RALYL: variants seen among roughly 807,000 people sequenced by gnomAD.
RALYL encodes RNA-binding Raly-like protein.
A neutral mutation model predicts 35.1 loss-of-function variants in RALYL; 29 were observed. That is an observed-to-expected ratio of 0.83 (90% confidence interval 0.61 to 1.13). The LOEUF (loss-of-function observed/expected upper bound fraction) is 1.13, where lower values mean the gene tolerates loss of function less well. RALYL is among the 50% of genes most tolerant of loss of function. The probability of loss-of-function intolerance (pLI) is 0.00; values close to 1 mark genes in which losing one functional copy is unlikely to be tolerated. For synonymous variants in RALYL, 120 were observed against 127.6 expected, an observed-to-expected ratio of 0.94 and a Z score of 0.40; for missense variants, 359 against 360.4, an observed-to-expected ratio of 1.00 and a Z score of 0.03.
chr8:84,743,061 A>G (rs1467724333), intron 2 of RALYL, among the ~76,000 whole-genome samples: 1 of 151,934 alleles, frequency 6.6e-6, no homozygotes, highest in Non-Finnish European at 1.5e-5. Context: ...AAAATATATT[A>G]TGGTCACAAT....
At chr8:84,188,399 T>C (rs1259637535) in intron 1 of RALYL, among the ~76,000 whole-genome samples, 1 of 152,104 alleles carries the variant, frequency 6.6e-6, no homozygotes, top group African/African-American at 2.4e-5. Context: ...AAGGTCCTTA[T>C]TGATCTGCAG....
chr8:84,463,249 T>C (rs1427579137), intron 1 of RALYL, among the ~76,000 whole-genome samples: 1 of 152,020 alleles, frequency 6.6e-6, no homozygotes, highest in Non-Finnish European at 1.5e-5. Context: ...GCTCTAGAGG[T>C]CTTCCATTAA....
chr8:84,244,264 C>G (rs1477894431), intron 1 of RALYL, among the ~76,000 whole-genome samples: 6 of 152,038 alleles, frequency 3.9e-5, no homozygotes, highest in Non-Finnish European at 7.4e-5. Context: ...CTCAAAGATA[C>G]AGAAACATAA....
At chr8:84,682,737 CTTT>C (rs1835843685) in intron 2 of RALYL, among the ~76,000 whole-genome samples, 1 of 151,952 alleles carries the variant, frequency 6.6e-6, no homozygotes, top group Non-Finnish European at 1.5e-5. Context: ...CTCTTTTCTT[CTTT>C]ATTAGTCTTG....
chr8:84,854,166 TA>T (rs1836471971), intron 5 of RALYL, among the ~76,000 whole-genome samples: 1 of 151,842 alleles, frequency 6.6e-6, no homozygotes, highest in Non-Finnish European at 1.5e-5. Flanking sequence ...GCCAACATGG[TA>T]AAACCCCATC....
At chr8:84,633,236 T>C (rs1036968468) in intron 2 of RALYL, among the ~76,000 whole-genome samples, 2 of 151,872 alleles carry the variant, frequency 1.3e-5, no homozygotes, top group African/African-American at 4.8e-5. Context: ...CAGAATGTCC[T>C]GGTTCAGCAA....
chr8:84,229,525 G>A (rs181911160), intron 1 of RALYL, among the ~76,000 whole-genome samples: 64 of 152,244 alleles, frequency 4.2e-4, no homozygotes, highest in Non-Finnish European at 7.6e-4. Context: ...CCAGTTTGGG[G>A]TCCTGAGACA....
At chr8:84,540,130 G>C (rs1280911183) in intron 2 of RALYL, among the ~76,000 whole-genome samples, 4 of 151,512 alleles carry the variant, frequency 2.6e-5, no homozygotes, top group Non-Finnish European at 5.9e-5. Context: ...TTTTAAACCA[G>C]TGTATGTGTA....
At chr8:84,258,617 T>A (rs1014855772) in intron 1 of RALYL, among the ~76,000 whole-genome samples, 1 of 146,490 alleles carries the variant, frequency 6.8e-6, no homozygotes, top group Non-Finnish European at 1.6e-5. Context: ...TAATTCTCAT[T>A]CTTAAGATTG....
intron 1 of RALYL, among the ~76,000 whole-genome samples, chr8:84,526,053 G>A (rs931544653): frequency 2.1e-5 from 3 of 143,638 alleles, no homozygotes; most frequent in African/African-American, 7.8e-5. Context: ...CCAACTTCAA[G>A]CAATTCTTCT....
chr8:84,228,351 T>C (rs1448640855), intron 1 of RALYL, among the ~76,000 whole-genome samples: 5 of 152,222 alleles, frequency 3.3e-5, no homozygotes, highest in Non-Finnish European at 4.4e-5. Flanking sequence ...ATTACTACCA[T>C]AGAAGAATTT....
intron 1 of RALYL, among the ~76,000 whole-genome samples, chr8:84,213,123 G>A (rs934595487): frequency 6.6e-6 from 1 of 152,124 alleles, no homozygotes; most frequent in Non-Finnish European, 1.5e-5. Flanking sequence ...GGGCATGGTG[G>A]CTCATGCCTG....
In RALYL at chr8:84,662,534, T is replaced by C. The variant is rs543404136; in HGVS notation, c.257-112045T>C. 2.6e-5 allele frequency among the ~76,000 whole-genome samples: 4 copies of C among 152,298 alleles called. No homozygotes were observed. The South Asian group carries it at 6.2e-4, about 24-fold the overall frequency. ...ACACATGATGAGAGGCTTATGATAA[T>C]GTCTGAGATTTGGTTCAAAATAATC... is the stretch of plus-strand genomic sequence containing the variant. On this transcript the variant is annotated intron_variant, in intron 2 of 8. Coordinates refer to ENST00000521268, the MANE Select transcript of RALYL (RefSeq NM_173848.7).
intron 2 of RALYL, among the ~76,000 whole-genome samples, chr8:84,750,432 TG>T (rs1321573537): frequency 2.0e-5 from 3 of 152,156 alleles, no homozygotes; most frequent in Non-Finnish European, 2.9e-5. Context: ...CCTTGTGTGA[TG>T]GCCTCTGGCT....
chr8:84,273,301 T>A (rs1024318364), intron 1 of RALYL, among the ~76,000 whole-genome samples: 4 of 152,226 alleles, frequency 2.6e-5, no homozygotes, highest in Non-Finnish European at 4.4e-5. Flanking sequence ...GTGTGGCTGT[T>A]GGCAGGCCTC....
intron 5 of RALYL, among the ~76,000 whole-genome samples, chr8:84,856,710 G>A (rs1837051521): frequency 1.3e-5 from 2 of 152,184 alleles, no homozygotes. Context: ...ACAGTACAGG[G>A]AACAGATACA....
At chr8:84,502,374 A>C (rs764563216) in intron 1 of RALYL, among the ~76,000 whole-genome samples, 34 of 152,094 alleles carry the variant, frequency 2.2e-4, no homozygotes, top group Non-Finnish European at 4.4e-4. Context: ...TGAAGAAGAA[A>C]GTCTATAAAT....
intron 7 of RALYL, among the ~76,000 whole-genome samples, chr8:84,880,807 T>C (rs1842055040): frequency 6.6e-6 from 1 of 152,010 alleles, no homozygotes; most frequent in Admixed American, 6.6e-5. Flanking sequence ...TCTCCACTTC[T>C]GGTTTGCTTC....
intron 2 of RALYL, among the ~76,000 whole-genome samples, chr8:84,542,236 C>T (rs1285093490): frequency 6.6e-6 from 1 of 151,862 alleles, no homozygotes; most frequent in African/African-American, 2.4e-5. Flanking sequence ...ATACATCATC[C>T]GTTTCCTCCT....
Sources: allele counts gnomAD v4.1 joint callset (sites outside exome capture counted in the v4.1 genomes callset), GRCh38; gene constraint gnomAD v4.1.1; transcripts MANE v1.5; gene names NCBI Gene and HGNC (gene_info 2026-07-23, HGNC 2026-07-21).